Variants in AFG1L observed in about 807,000 individuals in gnomAD.
AFG1L encodes AFG1-like ATPase.
Under a neutral mutation model 62.2 loss-of-function variants are expected in AFG1L, and 53 were observed. That is an observed-to-expected ratio of 0.85 (90% CI 0.68 to 1.07). The LOEUF is 1.07. Among genes scored for constraint, AFG1L ranks in the 50% least tolerant of loss-of-function variants. AFG1L has a pLI of 0.00. For synonymous variants in AFG1L, 228 were observed against 210.3 expected, an observed-to-expected ratio of 1.08 and a Z score of -0.73; for missense variants, 555 against 590.5, an observed-to-expected ratio of 0.94 and a Z score of 0.62.
At chr6:108,387,088 T>A (rs1780796373) in intron 6 of AFG1L, among the ~76,000 whole-genome samples, 1 of 152,148 alleles carries the variant, frequency 6.6e-6, no homozygotes, top group Non-Finnish European at 1.5e-5. Flanking sequence ...AGAGATATAC[T>A]TTAAAAATAA....
chr6:108,411,044 A>G (rs1351468459), intron 7 of AFG1L, among the ~76,000 whole-genome samples: 1 of 152,164 alleles, frequency 6.6e-6, no homozygotes, highest in East Asian at 1.9e-4. Flanking sequence ...CGGTACCTGG[A>G]AAATCGGGAC....
intron 2 of AFG1L, among the ~76,000 whole-genome samples, chr6:108,330,124 G>C (rs765220490): frequency 6.6e-5 from 10 of 151,894 alleles, no homozygotes; most frequent in South Asian, 2.1e-4. Flanking sequence ...CACTAGGTGG[G>C]GTCCCTCAAA....
intron 7 of AFG1L, among the ~76,000 whole-genome samples, chr6:108,406,683 C>T (rs1253892596): frequency 6.6e-6 from 1 of 152,116 alleles, no homozygotes; most frequent in African/African-American, 2.4e-5. Flanking sequence ...GGTGATCCGC[C>T]CACCTCAGCC....
At chr6:108,417,373 A>G (rs1770365791) in intron 7 of AFG1L, among the ~76,000 whole-genome samples, 1 of 152,108 alleles carries the variant, frequency 6.6e-6, no homozygotes, top group Non-Finnish European at 1.5e-5. Flanking sequence ...ACATGTCAGG[A>G]GTATTTTTCC....
intron 3 of AFG1L, among the ~76,000 whole-genome samples, chr6:108,353,698 C>T (rs181237903): frequency 1.3e-5 from 2 of 151,884 alleles, no homozygotes; most frequent in African/African-American, 2.4e-5. Flanking sequence ...TATTCTGAAT[C>T]TATAAGTATA....
At chr6:108,402,268 A>G (rs562927198) in intron 7 of AFG1L, among the ~76,000 whole-genome samples, 121 of 152,114 alleles carry the variant, frequency 8.0e-4, no homozygotes, top group Non-Finnish European at 1.3e-3. Context: ...TTCAAGACCA[A>G]CCTGACCAAC....
chr6:108,514,574 A>G (rs1271992898), intron 11 of AFG1L, among the ~76,000 whole-genome samples: 7 of 152,266 alleles, frequency 4.6e-5, no homozygotes, highest in African/African-American at 1.7e-4. Context: ...CGAGCCTAGG[A>G]AGAAACTGCA....
chr6:108,322,076 T>G (rs1216398680), intron 1 of AFG1L, among the ~76,000 whole-genome samples: 2 of 152,054 alleles, frequency 1.3e-5, no homozygotes, highest in African/African-American at 4.8e-5. Flanking sequence ...TTTTTTTAAA[T>G]TTGTTATTTT....
intron 10 of AFG1L, among the ~76,000 whole-genome samples, chr6:108,480,779 G>A (rs1033933562): frequency 5.3e-5 from 8 of 152,122 alleles, no homozygotes; most frequent in Non-Finnish European, 7.3e-5. Flanking sequence ...GCCTGGGTGA[G>A]AGACTCTGTC....
chr6:108,401,265 C>T (rs1020267933), intron 6 of AFG1L, among the ~76,000 whole-genome samples: 9 of 151,608 alleles, frequency 5.9e-5, no homozygotes, highest in Non-Finnish European at 8.8e-5. Context: ...GCCTCAGCCT[C>T]CCGAGTAGCT....
At chr6:108,367,492 G>A (rs1779809261) in intron 6 of AFG1L, among the ~76,000 whole-genome samples, 1 of 152,124 alleles carries the variant, frequency 6.6e-6, no homozygotes, top group East Asian at 1.9e-4. Flanking sequence ...GAGTCAGCAG[G>A]ATTTACTGAT....
chr6:108,361,891 A>T (rs1779547494), intron 5 of AFG1L, among the ~76,000 whole-genome samples: 1 of 152,180 alleles, frequency 6.6e-6, no homozygotes, highest in South Asian at 2.1e-4. Context: ...TATTATATGT[A>T]ATTTACTTAT....
intron 2 of AFG1L, among the ~76,000 whole-genome samples, chr6:108,334,726 C>T (rs576373808): frequency 4.3e-4 from 65 of 152,204 alleles, no homozygotes; most frequent in African/African-American, 1.5e-3. Context: ...CTTTCAGCCC[C>T]CTCAGGATAA....
At chr6:108,374,429 G>A (rs889061544) in intron 6 of AFG1L, among the ~76,000 whole-genome samples, 22 of 152,078 alleles carry the variant, frequency 1.4e-4, no homozygotes, top group Non-Finnish European at 3.1e-4. Flanking sequence ...TATTCAGAAT[G>A]GTGTTCCCTA....
At chr6:108,461,373 T>C (rs1200517531) in intron 8 of AFG1L, among the ~76,000 whole-genome samples, 1 of 152,244 alleles carries the variant, frequency 6.6e-6, no homozygotes, top group Non-Finnish European at 1.5e-5. Context: ...TGTTGTACAC[T>C]TATAACTGTA....
chr6:108,312,799 CT>C lies in AFG1L; in HGVS notation c.140-11025del, dbSNP rs1386526390. Among the ~76,000 whole-genome samples the C allele has an allele frequency of 6.6e-5, 10 of 151,996 alleles. No homozygotes were observed. In the South Asian group the frequency reaches 1.7e-3, roughly 25 times the overall value. ...TTTGGTTGTGAGGTAGAGTCTCACTCTGTTGCCCAGGCTACAGTGCAGTGGT... is the reference window on the plus strand; with the variant it reads ...TTTGGTTGTGAGGTAGAGTCTCACTCGTTGCCCAGGCTACAGTGCAGTGGT... On this transcript the variant is annotated intron_variant, in intron 1 of 12. Transcript: ENST00000368977.
At chr6:108,472,945 G>A (rs1202751056) in intron 8 of AFG1L, among the ~76,000 whole-genome samples, 4 of 151,990 alleles carry the variant, frequency 2.6e-5, no homozygotes, top group African/African-American at 9.6e-5. Flanking sequence ...TGGGATCACA[G>A]GCACGCACCA....
intron 10 of AFG1L, among the ~76,000 whole-genome samples, chr6:108,501,935 A>T (rs1052571232): frequency 3.9e-5 from 6 of 152,222 alleles, no homozygotes; most frequent in African/African-American, 1.4e-4. Context: ...ACTTTAATTT[A>T]AAAATGCTTT....
Position 108,477,269 on chromosome 6 carries a change from A to C in AFG1L, c.1039A>C (p.Thr347Pro). 1 of 1,608,388 alleles carries C rather than the reference A, an allele frequency of 6.2e-7. No homozygotes were observed. The highest frequency in any genetic ancestry group is 8.5e-7 in the Non-Finnish European group (1 of 1,175,990). Residue 347 changes from threonine (T) to proline (P), a missense_variant, in exon 10 of 13, where the codon ACA becomes CCA. Transcript: ENST00000368977. Reference sequence around the variant, plus strand: ...AGCCTGTGGAACCGTTGCCGACTGCACATTTGAAGAGCTGTGTGAGAGAGT... The same window carrying C: ...AGCCTGTGGAACCGTTGCCGACTGCCCATTTGAAGAGCTGTGTGAGAGAGT... Reference protein sequence around the residue: ...NKACGTVADCTFEELCERPLG... With the variant: ...NKACGTVADCPFEELCERPLG...
Sources: gnomAD v4.1 joint callset for allele counts (sites outside exome capture counted in the v4.1 genomes callset) on GRCh38, gnomAD v4.1.1 for gene constraint, MANE v1.5 for transcripts, NCBI Gene and HGNC (gene_info 2026-07-23, HGNC 2026-07-21) for gene names.